BCL2L15: variants seen among roughly 807,000 people sequenced by gnomAD.
The protein encoded by BCL2L15 is BCL2 like 15, also known as bcl-2-like protein 15.
In BCL2L15, 15 loss-of-function variants were observed where a neutral mutation model predicts 18.3. That is an observed-to-expected ratio of 0.82 (90% confidence interval 0.55 to 1.26). The LOEUF is 1.26. BCL2L15 is among the 50% of genes most tolerant of loss of function. The pLI, the probability that BCL2L15 is intolerant of heterozygous loss-of-function variation, is 0.00. For missense variants in BCL2L15, 180 were observed against 201.7 expected (o/e 0.89, Z 0.65); for synonymous variants, 58 against 68.5 (o/e 0.85, Z 0.76).
At chr1:113,882,976 A>T (rs1666923865) in intron 2 of BCL2L15, among the ~76,000 whole-genome samples, 1 of 152,168 alleles carries the variant, frequency 6.6e-6, no homozygotes, top group African/African-American at 2.4e-5. Context: ...TAAAATAATA[A>T]TAATTCATTA....
At chr1:113,884,790 T>G (rs1666978786) in intron 2 of BCL2L15, among the ~76,000 whole-genome samples, 2 of 152,030 alleles carry the variant, frequency 1.3e-5, no homozygotes, top group Admixed American at 1.3e-4. Context: ...TGTTTTTTTT[T>G]TGGAGACAGA....
At chr1:113,887,203 C>A (rs934242023) in intron 1 of BCL2L15, 46 bp downstream of exon 1, 32 of 1,578,904 alleles carry the variant, frequency 2.0e-5, no homozygotes, top group Non-Finnish European at 2.6e-5. Flanking sequence ...CGGCTGAAAA[C>A]ATACTCTTAT....
Position 113,879,570 on chromosome 1 carries a change from T to G in BCL2L15, c.*1553A>C, listed in dbSNP as rs569830939. 1 of 152,442 alleles carries G rather than the reference T, an allele frequency of 6.6e-6. No individual in the cohort carries two copies. Among genetic ancestry groups the G allele is most frequent in the Non-Finnish European group, 1.5e-5 (1 of 68,026 alleles). The allele number at this position is 152,442 out of a possible 1,614,324, so 9.4% of individuals were successfully genotyped here. A position where few individuals can be genotyped will look rare whatever the true frequency, so the allele number is the denominator to read the frequency against. On this transcript the variant is annotated 3_prime_UTR_variant, in exon 4 of 4. Coordinates refer to ENST00000393316, the MANE Select transcript of BCL2L15 (RefSeq NM_001010922.3). The stretch of plus-strand genomic sequence containing the variant: ...ACTAACAAACATATGGAGACTAAGT[T>G]CCCAAAGAAGAGTTAAATATCTTTG...
rs551178343 is a variant in BCL2L15 at position 113,887,291 on chromosome 1, C to A, written c.85G>T (p.Val29Phe). ...ACACAGCATAGGTTCCGGCTGGCAA[C>A]CTGCAATGTTGGGCTCAAGAAGTCC... ...LMDFLSPTLQ[V>F]ASRNLCCVDE... Residue 29 changes from valine (V) to phenylalanine (F), a missense_variant, in exon 1 of 4, where the codon GTT becomes TTT. By Grantham distance (50) the Val-to-Phe change is conservative (BLOSUM62 -1). Transcript: ENST00000393316. The A allele has an allele frequency of 1.9e-6, 3 of 1,614,078 alleles. No individual in the cohort carries two copies. The African/African-American group carries it at 4.0e-5, about 22-fold the overall frequency.
rs1238834030 is a variant in BCL2L15, at chr1:113,877,338, TA to T, written c.*3784del. Among the ~76,000 whole-genome samples, 66 of 138,430 alleles carry T rather than the reference TA, an allele frequency of 4.8e-4. No individual in the cohort carries two copies. Among genetic ancestry groups the T allele is most frequent in the Middle Eastern group, 4.0e-3 (1 of 250 alleles). 90.8% of individuals were successfully genotyped at this position (138,430 alleles called of 152,430 possible). Reference sequence around the variant, plus strand: ...CAGCTGAAGGTTTTTTTTTTTTTTTTAAAAAAAACAACCTTATTAAGGTAGT... The same window carrying T: ...CAGCTGAAGGTTTTTTTTTTTTTTTTAAAAAAACAACCTTATTAAGGTAGT... On this transcript the variant is annotated 3_prime_UTR_variant, in exon 4 of 4. Coordinates refer to ENST00000393316, the MANE Select transcript of BCL2L15 (RefSeq NM_001010922.3).
rs1045212567 is a variant in BCL2L15, at chr1:113,877,453, T to C, written c.*3670A>G. Among the ~76,000 whole-genome samples, 3 of 151,998 alleles carry C rather than the reference T, an allele frequency of 2.0e-5. No individual in the cohort carries two copies. The highest frequency in any genetic ancestry group is 7.3e-5 in the African/African-American group (3 of 41,376). ...ACCCATAAAATCACTACAATCAAGA[T>C]AATGAACATGTCTAATCACACTCAA... On this transcript the variant is annotated 3_prime_UTR_variant, in exon 4 of 4. Transcript: ENST00000393316.
At position 113,879,713 on chromosome 1, in the gene BCL2L15, G is replaced by T. The variant is rs2102241176; in HGVS notation, c.*1410C>A. 6.6e-6 allele frequency: 1 copy of T among 152,266 alleles called. No individual in the cohort carries two copies. Among genetic ancestry groups the T allele is most frequent in the South Asian group, 2.1e-4 (1 of 4,830 alleles). The allele number at this position is 152,266 out of a possible 1,614,324, so 9.4% of individuals were successfully genotyped here. ...GGTCAGCCAACTTTTTCTGTAAAGG[G>T]CCAGCTAGTAAATATTTTGGACTTA... On this transcript the variant is annotated 3_prime_UTR_variant, in exon 4 of 4. Transcript: ENST00000393316.
chr1:113,885,524 C>T (rs1365757931), intron 2 of BCL2L15, among the ~76,000 whole-genome samples: 1 of 152,064 alleles, frequency 6.6e-6, no homozygotes, highest in African/African-American at 2.4e-5. Context: ...CGGGTTCAAG[C>T]GATTCTCCTG....
Position 113,880,432 on chromosome 1 carries a change from C to G in BCL2L15, c.*691G>C, listed in dbSNP as rs372759834. On this transcript the variant is annotated 3_prime_UTR_variant, in exon 4 of 4. Transcript: ENST00000393316. ...ACGAGGTCAGGAGATCCAGACCATC[C>G]TGGCTAACACGGCGAAACCTCATCT... The G allele has an allele frequency of 6.6e-6, 1 of 152,306 alleles. No individual in the cohort carries two copies. Among genetic ancestry groups the G allele is most frequent in the Non-Finnish European group, 1.5e-5 (1 of 68,138 alleles). 9.4% of individuals were successfully genotyped at this position (152,306 alleles called of 1,614,324 possible).
At chr1:113,881,438 G>A in intron 3 of BCL2L15, 1 of 1,336,804 alleles carries the variant, frequency 7.5e-7, no homozygotes, top group Non-Finnish European at 9.6e-7. Flanking sequence ...AAAAGACCCA[G>A]AAATTTACAA....
intron 2 of BCL2L15, among the ~76,000 whole-genome samples, chr1:113,886,130 C>T (rs1031800578): frequency 6.8e-6 from 1 of 147,434 alleles, no homozygotes; most frequent in African/African-American, 2.5e-5. Flanking sequence ...GTGGGAGGAT[C>T]GCTTGAGCCC....
chr1:113,883,426 G>A (rs1412333337), intron 2 of BCL2L15, among the ~76,000 whole-genome samples: 4 of 151,136 alleles, frequency 2.6e-5, no homozygotes, highest in Admixed American at 1.3e-4. Flanking sequence ...AGGTTGAAGA[G>A]AGCCGAGATT....
At position 113,877,338 on chromosome 1, in the gene BCL2L15, T is replaced by TTA. The variant is rs1491557980; in HGVS notation, c.*3784_*3785insTA. 1.5e-4 allele frequency among the ~76,000 whole-genome samples: 21 copies of TTA among 138,348 alleles called. No homozygotes were observed. The highest frequency in any genetic ancestry group is 3.3e-4 in the African/African-American group (13 of 39,548). The allele number at this position is 138,348 out of a possible 152,430, so 90.8% of individuals were successfully genotyped here. ...CAGCTGAAGGTTTTTTTTTTTTTTT[T>TTA]AAAAAAAACAACCTTATTAAGGTAG... On this transcript the variant is annotated 3_prime_UTR_variant, in exon 4 of 4. Transcript: ENST00000393316.
chr1:113,882,551 A>C (rs914034100), intron 2 of BCL2L15, among the ~76,000 whole-genome samples: 1 of 152,178 alleles, frequency 6.6e-6, no homozygotes, highest in African/African-American at 2.4e-5. Context: ...AGGCTGAGGC[A>C]GCAGCATCAC....
rs1372125998 is a variant in BCL2L15 at position 113,883,238 on chromosome 1, T to A, written c.250-1241A>T. 3.9e-5 allele frequency among the ~76,000 whole-genome samples: 6 copies of A among 152,226 alleles called. No individual in the cohort carries two copies. The East Asian group carries it at 1.2e-3, about 30-fold the overall frequency. ...TGGCTCAGGCCTGTAATCCCAGTAC[T>A]TTGGGAGGCCAAAGCAGGCAGATCA... On this transcript the variant is annotated intron_variant, in intron 2 of 3. Coordinates refer to ENST00000393316, the MANE Select transcript of BCL2L15 (RefSeq NM_001010922.3).
rs553552734 is a variant in BCL2L15, at chr1:113,881,887, A to T, written c.360T>A (p.Leu120=). ...CAGGAGCAATGTGAGCCATGTACTC[A>T]AGAAGTTTCACTGACACTGCCAGAA... ...RAFLAVSVKL[L]EYMAHIAPEV... The change falls in exon 3 of 4, where the codon CTT becomes CTA. Residue 120 remains leucine, a synonymous_variant. Coordinates refer to ENST00000393316, the MANE Select transcript of BCL2L15 (RefSeq NM_001010922.3). The T allele has an allele frequency of 3.4e-4, 546 of 1,614,230 alleles. 10 individuals carry two copies. The South Asian group carries it at 5.3e-3, about 16-fold the overall frequency.
chr1:113,876,861 G>T lies in BCL2L15; in HGVS notation c.*4262C>A, dbSNP rs536426246. Among the ~76,000 whole-genome samples, 1 of 151,786 alleles carries T rather than the reference G, an allele frequency of 6.6e-6. No individual in the cohort carries two copies. The highest frequency in any genetic ancestry group is 1.5e-5 in the Non-Finnish European group (1 of 67,984). On this transcript the variant is annotated 3_prime_UTR_variant, in exon 4 of 4. Transcript: ENST00000393316. Reference sequence around the variant, plus strand: ...TCATTTAATGAATATTTTTAATATCGATGTACATGCCAGATAATGAAGAGG... The same window carrying T: ...TCATTTAATGAATATTTTTAATATCTATGTACATGCCAGATAATGAAGAGG...
chr1:113,883,569 T>C (rs1206020745), intron 2 of BCL2L15, among the ~76,000 whole-genome samples: 5 of 149,440 alleles, frequency 3.3e-5, no homozygotes, highest in Non-Finnish European at 5.9e-5. Context: ...AGCTCAGGAG[T>C]TCGCGACCAG....
At position 113,887,430 on chromosome 1, in the gene BCL2L15, C is replaced by A; in HGVS notation, c.-55G>T. On this transcript the variant is annotated 5_prime_UTR_variant, in exon 1 of 4. Transcript: ENST00000393316. ...TCCACGAAACAAGCAGTTTTCAGCC[C>A]AGCAGGAAGTTAAAAACACTGGTAA... The A allele has an allele frequency of 6.2e-7, 1 of 1,610,506 alleles. No homozygotes were observed. Among genetic ancestry groups the A allele is most frequent in the Admixed American group, 1.7e-5 (1 of 59,778 alleles).
Sources: allele counts gnomAD v4.1 joint callset (sites outside exome capture counted in the v4.1 genomes callset), GRCh38; gene constraint gnomAD v4.1.1; transcripts MANE v1.5; gene names NCBI Gene and HGNC (gene_info 2026-07-23, HGNC 2026-07-21).